Variants in TRIM5 observed in about 807,000 individuals in gnomAD.
The protein encoded by TRIM5 is tripartite motif containing 5.
A neutral mutation model predicts 35.6 loss-of-function variants in TRIM5; 31 were observed. The ratio of observed to expected loss-of-function variants is 0.87; its 90% CI spans 0.65 to 1.18. The LOEUF (loss-of-function observed/expected upper bound fraction) is 1.18, where lower values mean the gene tolerates loss of function less well. TRIM5 is among the 50% of genes most tolerant of loss of function. The pLI is 0.00. For missense variants in TRIM5, 609 were observed against 591.6 expected, an observed-to-expected ratio of 1.03 and a Z score of -0.31; for synonymous variants, 243 against 215.6, an observed-to-expected ratio of 1.13 and a Z score of -1.11.
the TRIM5 span, among the ~76,000 whole-genome samples, chr11:5,637,487 T>A: frequency 1.3e-3 from 193 of 152,356 alleles, no homozygotes; most frequent in African/African-American, 4.4e-3. Flanking sequence ...CTTTCTGTAA[T>A]AGTTTTATTA....
At chr11:5,605,124 T>A in the TRIM5 span, 1 of 629,998 alleles carries the variant, frequency 1.6e-6, no homozygotes, top group Non-Finnish European at 2.7e-6. Flanking sequence ...ATGGCCTAGA[T>A]AAAGCAGCCC....
the TRIM5 span, among the ~76,000 whole-genome samples, chr11:5,591,710 G>A: frequency 6.6e-6 from 1 of 152,080 alleles, no homozygotes; most frequent in Non-Finnish European, 1.5e-5. Context: ...GTGATGCTGG[G>A]AGACATGATC....
chr11:5,596,380 A>G, the TRIM5 span, among the ~76,000 whole-genome samples: 3 of 151,578 alleles, frequency 2.0e-5, no homozygotes, highest in Non-Finnish European at 2.9e-5. Context: ...GGCCGTGTAA[A>G]GAGAGTTAAA....
chr11:5,603,554 T>G, the TRIM5 span: 1 of 1,613,906 alleles, frequency 6.2e-7, no homozygotes, highest in Non-Finnish European at 8.5e-7. Context: ...GTGAGGCGGC[T>G]CAGAGAGGTA....
the TRIM5 span, among the ~76,000 whole-genome samples, chr11:5,656,231 G>A: frequency 6.6e-6 from 1 of 152,014 alleles, no homozygotes; most frequent in Non-Finnish European, 1.5e-5. Context: ...TACAGAATGA[G>A]AGAACATTTT....
chr11:5,590,436 C>A, the TRIM5 span: 3 of 152,358 alleles, frequency 2.0e-5, 1 homozygote, highest in South Asian at 6.2e-4. Context: ...GTAAACACAC[C>A]AATCAGCACC....
the TRIM5 span, among the ~76,000 whole-genome samples, chr11:5,616,050 A>C: frequency 4.1e-5 from 6 of 146,664 alleles, no homozygotes; most frequent in Admixed American, 7.1e-5. Context: ...TCCCGGGTTC[A>C]CGCCATTCTC....
In TRIM5 at chr11:5,664,353, TATG is replaced by T; in HGVS notation, c.*453_*455del. 1.0e-6 allele frequency: 1 copy of T among 992,624 alleles called. No individual in the cohort carries two copies. Among genetic ancestry groups the T allele is most frequent in the African/African-American group, 1.7e-5 (1 of 57,410 alleles). The allele number at this position is 992,624 out of a possible 1,614,324, so 61.5% of individuals were successfully genotyped here. A position where few individuals can be genotyped will look rare whatever the true frequency, so the allele number is the denominator to read the frequency against. ...CCTCTATACTTAAGAGTATACCATT[TATG>T]ATATTTTCTCTTTAACTCACAAATA... On this transcript the variant is annotated 3_prime_UTR_variant, in exon 8 of 8. Coordinates refer to ENST00000380034, the MANE Select transcript of TRIM5 (RefSeq NM_033034.3).
intron 4 of TRIM5, among the ~76,000 whole-genome samples, chr11:5,673,909 G>T (rs1337491594): frequency 6.6e-6 from 1 of 151,498 alleles, no homozygotes; most frequent in Non-Finnish European, 1.5e-5. Context: ...TATAGTTAAA[G>T]CAATTCATTT....
chr11:5,655,598 T>C, the TRIM5 span: 1 of 959,354 alleles, frequency 1.0e-6, no homozygotes, highest in Non-Finnish European at 1.2e-6. Flanking sequence ...CCTACATGAA[T>C]AGCATTGGTT....
chr11:5,618,761 T>C, the TRIM5 span, among the ~76,000 whole-genome samples: 5 of 152,210 alleles, frequency 3.3e-5, no homozygotes, highest in African/African-American at 7.2e-5. Flanking sequence ...TCAAATGTAG[T>C]ATACTCTGGG....
At chr11:5,655,823 C>T in the TRIM5 span, 1 of 366,492 alleles carries the variant, frequency 2.7e-6, no homozygotes, top group Non-Finnish European at 3.8e-6. Context: ...GTCTATAAAT[C>T]TACAGAGCAG....
chr11:5,640,807 C>T, the TRIM5 span, among the ~76,000 whole-genome samples: 5 of 152,266 alleles, frequency 3.3e-5, no homozygotes, highest in Middle Eastern at 3.4e-3. Context: ...TCTTTGAATT[C>T]CAACTTAATC....
At chr11:5,604,765 C>A in the TRIM5 span, 1 of 844,542 alleles carries the variant, frequency 1.2e-6, no homozygotes, top group Non-Finnish European at 1.8e-6. Context: ...TGGTCCTCCA[C>A]TATATTCCTT....
At chr11:5,679,322 T>C (rs1852238759) in intron 2 of TRIM5, among the ~76,000 whole-genome samples, 153 bp from the exon 3 acceptor site, 1 of 152,196 alleles carries the variant, frequency 6.6e-6, no homozygotes, top group Admixed American at 6.5e-5. Context: ...GGAAGAAAAC[T>C]TACATTGGTG....
the TRIM5 span, among the ~76,000 whole-genome samples, chr11:5,648,784 AT>A: frequency 1.0e-3 from 156 of 152,262 alleles, no homozygotes; most frequent in Non-Finnish European, 2.0e-3. Flanking sequence ...ACCTACAATT[AT>A]TTTTCTCCAA....
chr11:5,662,663 T>C (rs1197226332), downstream of TRIM5, among the ~76,000 whole-genome samples: 2 of 152,248 alleles, frequency 1.3e-5, no homozygotes, highest in East Asian at 3.8e-4. Flanking sequence ...AAGATTTTTT[T>C]TCCCATTTAT....
chr11:5,611,261 T>A, the TRIM5 span: 1 of 1,614,076 alleles, frequency 6.2e-7, no homozygotes, highest in Non-Finnish European at 8.5e-7. Context: ...TCTCTAAATA[T>A]TACTTTCCCA....
At chr11:5,626,064 C>T in the TRIM5 span, among the ~76,000 whole-genome samples, 7 of 152,226 alleles carry the variant, frequency 4.6e-5, no homozygotes, top group African/African-American at 9.6e-5. Flanking sequence ...TCTGCTCTCA[C>T]CCTTCAGAGT....
Sources: gnomAD v4.1 joint callset for allele counts (sites outside exome capture counted in the v4.1 genomes callset) on GRCh38, gnomAD v4.1.1 for gene constraint, MANE v1.5 for transcripts, NCBI Gene and HGNC (gene_info 2026-07-23, HGNC 2026-07-21) for gene names.